RBMS3: variants seen among roughly 807,000 people sequenced by gnomAD.
RBMS3 encodes the protein RNA binding motif single stranded interacting protein 3, also known as RNA-binding motif, single-stranded-interacting protein 3.
In RBMS3, 27 loss-of-function variants were observed where a neutral mutation model predicts 66.8. The ratio of observed to expected loss-of-function variants is 0.40; its 90% CI spans 0.30 to 0.56. The LOEUF (loss-of-function observed/expected upper bound fraction) is 0.56, where lower values mean the gene tolerates loss of function less well. RBMS3 is among the 20% of genes least tolerant of loss of function. The pLI is 0.40. For synonymous variants in RBMS3, 188 were observed against 183.0 expected (o/e 1.03, Z -0.22); for missense variants, 513 against 549.5 (o/e 0.93, Z 0.66).
intron 6 of RBMS3, among the ~76,000 whole-genome samples, chr3:29,850,562 C>T (rs770914929): frequency 6.6e-6 from 1 of 152,012 alleles, no homozygotes; most frequent in Non-Finnish European, 1.5e-5. Flanking sequence ...TCCTGTTCTC[C>T]ATTTTCGCTA....
At chr3:29,318,879 T>C (rs1257692960) in intron 1 of RBMS3, among the ~76,000 whole-genome samples, 2 of 151,750 alleles carry the variant, frequency 1.3e-5, no homozygotes, top group African/African-American at 2.4e-5. Flanking sequence ...TAGGGGGGCA[T>C]AAAGGGATCA....
At chr3:29,885,011 T>C (rs182996376) in intron 8 of RBMS3, among the ~76,000 whole-genome samples, 1 of 152,096 alleles carries the variant, frequency 6.6e-6, no homozygotes, top group East Asian at 1.9e-4. Context: ...CTTCATTTTC[T>C]ATTTTGTCAG....
At chr3:29,937,751 G>C (rs758681802) in intron 11 of RBMS3, among the ~76,000 whole-genome samples, 7 of 151,874 alleles carry the variant, frequency 4.6e-5, no homozygotes, top group Non-Finnish European at 7.4e-5. Context: ...TTTCATCATG[G>C]AGATAGAGCT....
intron 4 of RBMS3, among the ~76,000 whole-genome samples, chr3:29,687,976 CATATT>C (rs959321159): frequency 6.6e-6 from 1 of 152,146 alleles, no homozygotes; most frequent in African/African-American, 2.4e-5. Context: ...ACACCAGAGT[CATATT>C]ATGTTTCAGT....
intron 12 of RBMS3, among the ~76,000 whole-genome samples, chr3:29,950,037 T>C (rs1695571365): frequency 6.6e-6 from 1 of 151,826 alleles, no homozygotes; most frequent in Non-Finnish European, 1.5e-5. Context: ...CTGCCAGTAT[T>C]TTAGCTATTC....
At chr3:29,588,774 G>T (rs1183701096) in intron 4 of RBMS3, among the ~76,000 whole-genome samples, 1 of 151,922 alleles carries the variant, frequency 6.6e-6, no homozygotes, top group Non-Finnish European at 1.5e-5. Context: ...TTGGTTTAAA[G>T]GTTACTTGGC....
At chr3:29,962,043 T>A (rs1426916419) in intron 12 of RBMS3, among the ~76,000 whole-genome samples, 7 of 144,642 alleles carry the variant, frequency 4.8e-5, no homozygotes, top group Non-Finnish European at 4.5e-5. Flanking sequence ...TATAATATAT[T>A]ATATATGTGT....
intron 4 of RBMS3, among the ~76,000 whole-genome samples, chr3:29,681,481 C>T (rs931075825): frequency 2.1e-4 from 31 of 150,952 alleles, no homozygotes; most frequent in African/African-American, 7.6e-4. Context: ...ATTAGCTAGT[C>T]TTCCTTATGC....
intron 4 of RBMS3, among the ~76,000 whole-genome samples, chr3:29,643,377 A>C (rs532589082): frequency 6.6e-6 from 1 of 152,126 alleles, no homozygotes; most frequent in South Asian, 2.1e-4. Flanking sequence ...TGAGCCTCAT[A>C]GTGGTATAAT....
Position 29,868,930 on chromosome 3 carries a change from C to A in RBMS3, c.710C>A (p.Thr237Asn), listed in dbSNP as rs1194199012. 6.2e-7 allele frequency: 1 copy of A among 1,602,372 alleles called. No individual in the cohort carries two copies. Among genetic ancestry groups the A allele is most frequent in the Admixed American group, 1.7e-5 (1 of 58,766 alleles). The change falls in exon 7 of 15, where the codon ACC (threonine) becomes AAC (asparagine). Residue 237 changes from threonine (T) to asparagine (N), a missense_variant. Physicochemically the swap from Thr to Asn is moderately conservative, Grantham distance 65. Transcript: ENST00000383767. Reference sequence around the variant, plus strand: ...AAGCGACAGAATCAAAGCAAATATACCCAGAATGGGAGGCCTTGGCCCAGG... The same window carrying A: ...AAGCGACAGAATCAAAGCAAATATAACCAGAATGGGAGGCCTTGGCCCAGG... ...QKKRQNQSKY[T>N]QNGRPWPREG...
chr3:29,755,753 T>C (rs184515396), intron 5 of RBMS3, among the ~76,000 whole-genome samples: 1 of 152,166 alleles, frequency 6.6e-6, no homozygotes, highest in Non-Finnish European at 1.5e-5. Context: ...CTCAGATTTC[T>C]CTCTACTCTT....
At chr3:29,688,829 C>T (rs1044860382) in intron 4 of RBMS3, among the ~76,000 whole-genome samples, 2 of 152,014 alleles carry the variant, frequency 1.3e-5, no homozygotes, top group Non-Finnish European at 2.9e-5. Flanking sequence ...GATCCACTCA[C>T]CTCAGCCTCC....
chr3:29,413,759 G>C (rs778182954), intron 1 of RBMS3, among the ~76,000 whole-genome samples: 1 of 151,866 alleles, frequency 6.6e-6, no homozygotes, highest in Non-Finnish European at 1.5e-5. Context: ...ATTGTGTAAG[G>C]GCCATTCACA....
At chr3:29,833,698 A>C (rs188244529) in intron 6 of RBMS3, among the ~76,000 whole-genome samples, 1 of 152,270 alleles carries the variant, frequency 6.6e-6, no homozygotes, top group Admixed American at 6.5e-5. Context: ...GAACAATATC[A>C]AGAAAGCAAA....
In RBMS3 at chr3:30,005,049, G is replaced by A. The variant is rs571276132; in HGVS notation, c.*1187G>A. 6.6e-6 allele frequency: 1 copy of A among 151,672 alleles called. No individual in the cohort carries two copies. The highest frequency in any genetic ancestry group is 6.6e-5 in the Admixed American group (1 of 15,150). The allele number at this position is 151,672 out of a possible 1,614,324, so 9.4% of individuals were successfully genotyped here. On this transcript the variant is annotated 3_prime_UTR_variant, in exon 15 of 15. Transcript: ENST00000383767. ...TGGCCTATTTTATACCAAAGATGAA[G>A]TGACACCCTATTACAGTCCAGAAGA...
intron 8 of RBMS3, among the ~76,000 whole-genome samples, chr3:29,884,591 A>C (rs569564307): frequency 6.6e-6 from 1 of 151,352 alleles, no homozygotes; most frequent in Non-Finnish European, 1.5e-5. Context: ...GCCCAAGTCA[A>C]TTTATTCTTT....
intron 3 of RBMS3, among the ~76,000 whole-genome samples, chr3:29,581,337 A>G (rs1323149236): frequency 2.6e-5 from 4 of 152,200 alleles, no homozygotes; most frequent in African/African-American, 9.6e-5. Flanking sequence ...AAATCCAATA[A>G]GGAAAGATAG....
At chr3:29,399,234 A>T (rs920846435) in intron 1 of RBMS3, among the ~76,000 whole-genome samples, 6 of 148,548 alleles carry the variant, frequency 4.0e-5, no homozygotes, top group African/African-American at 1.5e-4. Flanking sequence ...TATATATATA[A>T]GCAAATATGC....
intron 6 of RBMS3, among the ~76,000 whole-genome samples, chr3:29,867,084 TC>T (rs1181997293): frequency 6.6e-6 from 1 of 152,122 alleles, no homozygotes; most frequent in Non-Finnish European, 1.5e-5. Flanking sequence ...AAAATATGAC[TC>T]CCCCTTAGAG....
Sources: allele counts gnomAD v4.1 joint callset (sites outside exome capture counted in the v4.1 genomes callset), GRCh38; gene constraint gnomAD v4.1.1; transcripts MANE v1.5; gene names NCBI Gene and HGNC (gene_info 2026-07-23, HGNC 2026-07-21).